XKR6: variants seen among roughly 807,000 people sequenced by gnomAD.
The protein encoded by XKR6 is XK related 6.
XKR6 carries 22 observed loss-of-function variants against 56.7 expected under a neutral mutation model. The ratio of observed to expected loss-of-function variants is 0.39; its 90% CI spans 0.28 to 0.55. The LOEUF is 0.55. Among genes scored for constraint, XKR6 ranks in the 20% least tolerant of loss-of-function variants. The pLI is 0.66. For synonymous variants in XKR6, 524 were observed against 387.8 expected, an observed-to-expected ratio of 1.35 and a Z score of -4.13; for missense variants, 852 against 889.0, an observed-to-expected ratio of 0.96 and a Z score of 0.53.
intron 1 of XKR6, among the ~76,000 whole-genome samples, chr8:11,025,667 G>C (rs1489923546): frequency 6.6e-6 from 1 of 152,218 alleles, no homozygotes; most frequent in African/African-American, 2.4e-5. Flanking sequence ...GAATTCATGA[G>C]TTACGATTTG....
chr8:11,039,739 G>A (rs1318235734), intron 1 of XKR6, among the ~76,000 whole-genome samples: 3 of 152,210 alleles, frequency 2.0e-5, no homozygotes, highest in Admixed American at 6.5e-5. Context: ...AGCTGAGACC[G>A]TAGGGCCTTG....
At chr8:11,019,865 A>T (rs1798710686) in intron 1 of XKR6, among the ~76,000 whole-genome samples, 1 of 152,156 alleles carries the variant, frequency 6.6e-6, no homozygotes, top group South Asian at 2.1e-4. Flanking sequence ...AAACCCAGAA[A>T]AGAGAAATCC....
intron 1 of XKR6, among the ~76,000 whole-genome samples, chr8:11,165,026 C>T (rs994818923): frequency 2.7e-5 from 4 of 149,924 alleles, no homozygotes; most frequent in Admixed American, 1.3e-4. Context: ...CGCCTTGAAT[C>T]CAAGAAAATC....
intron 1 of XKR6, chr8:11,106,331 C>T (rs182267404): frequency 3.9e-5 from 6 of 152,226 alleles, no homozygotes; most frequent in Non-Finnish European, 7.3e-5. Flanking sequence ...ACATGGGTCT[C>T]TTCAACTACC....
intron 1 of XKR6, among the ~76,000 whole-genome samples, chr8:11,150,852 CAAAA>C (rs546547767): frequency 1.1e-5 from 1 of 90,306 alleles, no homozygotes; most frequent in Admixed American, 1.3e-4. Flanking sequence ...GACTCCATCT[CAAAA>C]AAAAAAAAAA....
chr8:11,041,734 C>T (rs1000365958), intron 1 of XKR6, among the ~76,000 whole-genome samples: 6 of 152,048 alleles, frequency 3.9e-5, no homozygotes, highest in Non-Finnish European at 4.4e-5. Context: ...CAAAGAGGCT[C>T]GAAAGAAACC....
At chr8:11,123,598 A>T (rs999860038) in intron 1 of XKR6, 2 of 306,346 alleles carry the variant, frequency 6.5e-6, no homozygotes, top group Non-Finnish European at 1.3e-5. Flanking sequence ...ATACACGAGG[A>T]TTAAAAATTC....
At chr8:11,110,103 G>GCAC in intron 1 of XKR6, among the ~76,000 whole-genome samples, 1 of 152,100 alleles carries the variant, frequency 6.6e-6, no homozygotes, top group Non-Finnish European at 1.5e-5. Context: ...CTCCTGAGTA[G>GCAC]CTGGGATTAC....
In XKR6 at chr8:11,042,769, C is replaced by A. The variant is rs534009056; in HGVS notation, c.765-117939G>T. 9.9e-5 allele frequency among the ~76,000 whole-genome samples: 15 copies of A among 151,500 alleles called. No individual in the cohort carries two copies. The South Asian group carries it at 3.1e-3, about 31-fold the overall frequency. On this transcript the variant is annotated intron_variant, in intron 1 of 2. Coordinates refer to ENST00000416569, the MANE Select transcript of XKR6 (RefSeq NM_173683.4). ...GGAGCATTTGGATTTCGGATTTTCCCAGATCTGGGATGTGCTACCTGGACT... is the reference window on the plus strand; with the variant it reads ...GGAGCATTTGGATTTCGGATTTTCCAAGATCTGGGATGTGCTACCTGGACT...
chr8:11,175,168 T>C (rs1802590139), intron 1 of XKR6: 1 of 152,656 alleles, frequency 6.6e-6, no homozygotes, highest in Admixed American at 6.5e-5. Context: ...GTTGCATATA[T>C]GAAAAGCCAC....
intron 1 of XKR6, among the ~76,000 whole-genome samples, chr8:11,030,685 G>A (rs963449918): frequency 6.6e-6 from 1 of 152,136 alleles, no homozygotes; most frequent in African/African-American, 2.4e-5. Flanking sequence ...GTAGACAGCA[G>A]CAGGTTCCCC....
chr8:10,943,042 C>T (rs920883058), intron 1 of XKR6, among the ~76,000 whole-genome samples: 4 of 152,214 alleles, frequency 2.6e-5, no homozygotes, highest in African/African-American at 9.7e-5. Flanking sequence ...CCATAGGCTG[C>T]ATGGCCCAGG....
At chr8:10,932,570 C>G (rs1371550675) in intron 1 of XKR6, among the ~76,000 whole-genome samples, 79 of 108,184 alleles carry the variant, frequency 7.3e-4, no homozygotes, top group African/African-American at 2.6e-3. Context: ...TGCTATCCCT[C>G]CCCCCTCCCC....
At chr8:10,999,888 C>T (rs1380332862) in intron 1 of XKR6, among the ~76,000 whole-genome samples, 3 of 152,146 alleles carry the variant, frequency 2.0e-5, no homozygotes, top group East Asian at 3.8e-4. Flanking sequence ...TTAAGACCAA[C>T]TAGGAGAGCA....
At chr8:10,958,316 AG>A (rs200149639) in intron 1 of XKR6, among the ~76,000 whole-genome samples, 2 of 151,794 alleles carry the variant, frequency 1.3e-5, no homozygotes, top group African/African-American at 2.4e-5. Context: ...GGGCTTGGGG[AG>A]CATGTGAGTC....
intron 1 of XKR6, among the ~76,000 whole-genome samples, chr8:11,012,892 A>C (rs1445498937): frequency 6.6e-6 from 1 of 152,208 alleles, no homozygotes; most frequent in African/African-American, 2.4e-5. Flanking sequence ...TTTTCGTCCA[A>C]TGCCTTGCTG....
At chr8:11,120,611 C>T (rs1799405259) in intron 1 of XKR6, among the ~76,000 whole-genome samples, 1 of 152,020 alleles carries the variant, frequency 6.6e-6, no homozygotes, top group South Asian at 2.1e-4. Context: ...GCCATACTGC[C>T]CAAGGTAATT....
At chr8:10,913,341 G>A (rs1033559116) in intron 2 of XKR6, among the ~76,000 whole-genome samples, 1 of 152,024 alleles carries the variant, frequency 6.6e-6, no homozygotes, top group Admixed American at 6.6e-5. Flanking sequence ...GAGGAGATTA[G>A]GCAGGTAGGG....
intron 1 of XKR6, among the ~76,000 whole-genome samples, chr8:11,168,451 G>A (rs1255264431): frequency 6.6e-6 from 1 of 152,104 alleles, no homozygotes; most frequent in Non-Finnish European, 1.5e-5. Context: ...TAGAATAATA[G>A]ACTTCAATAC....
Sources: allele counts gnomAD v4.1 joint callset (sites outside exome capture counted in the v4.1 genomes callset), GRCh38; gene constraint gnomAD v4.1.1; transcripts MANE v1.5; gene names NCBI Gene and HGNC (gene_info 2026-07-23, HGNC 2026-07-21).